AP1G1: variants seen among roughly 807,000 people sequenced by gnomAD.
AP1G1 encodes the protein AP-1 complex subunit gamma-1.
AP1G1 carries 7 observed loss-of-function variants against 108.3 expected under a neutral mutation model. That is an observed-to-expected ratio of 0.06 (90% confidence interval 0.04 to 0.12). The LOEUF (loss-of-function observed/expected upper bound fraction) is 0.12. Among genes scored for constraint, AP1G1 ranks in the 10% least tolerant of loss-of-function variants. AP1G1 has a pLI of 1.00. For synonymous variants in AP1G1, 379 were observed against 353.5 expected (o/e 1.07, Z -0.81); for missense variants, 756 against 1,010.7 (o/e 0.75, Z 3.42).
At chr16:71,773,190 C>T in intron 4 of AP1G1, 31 bp downstream of exon 4, 1 of 1,610,408 alleles carries the variant, frequency 6.2e-7, no homozygotes, top group African/African-American at 1.3e-5. Flanking sequence ...ACTCCCTAAT[C>T]CAAACAGACA....
At chr16:71,758,540 GTA>G (rs778101274) in intron 11 of AP1G1, 16 of 587,230 alleles carry the variant, frequency 2.7e-5, no homozygotes, top group Non-Finnish European at 5.2e-5. Flanking sequence ...TGTGCCTGTT[GTA>G]TTTATCAAAG....
chr16:71,742,494 T>G (rs1257888230), intron 19 of AP1G1: 1 of 152,236 alleles, frequency 6.6e-6, no homozygotes, highest in African/African-American at 2.4e-5. Flanking sequence ...GTGCCTACTA[T>G]GTATCATGCA....
chr16:71,805,493 G>C (rs986321716), intron 1 of AP1G1, among the ~76,000 whole-genome samples: 5 of 151,896 alleles, frequency 3.3e-5, no homozygotes, highest in Admixed American at 3.3e-4. Context: ...CATAAAGCAA[G>C]GACAGACTAA....
At chr16:71,777,589 C>A in intron 2 of AP1G1, 1 of 395,504 alleles carries the variant, frequency 2.5e-6, no homozygotes, top group South Asian at 2.0e-5. Flanking sequence ...CATCCCCAGC[C>A]TGTTGGCAGG....
chr16:71,761,394 A>G, intron 10 of AP1G1, 118 bp downstream of exon 10: 1 of 772,466 alleles, frequency 1.3e-6, no homozygotes, highest in Non-Finnish European at 2.2e-6. Flanking sequence ...AAACATAAAA[A>G]TTCTGAGCTA....
intron 15 of AP1G1, among the ~76,000 whole-genome samples, chr16:71,749,387 G>A (rs919786555): frequency 6.6e-6 from 1 of 151,872 alleles, no homozygotes; most frequent in African/African-American, 2.4e-5. Context: ...GGAGGCTGAG[G>A]TGGGAAGATC....
chr16:71,766,480 G>T, intron 6 of AP1G1: 1 of 460,612 alleles, frequency 2.2e-6, no homozygotes, highest in Non-Finnish European at 4.5e-6. Flanking sequence ...AAAACAAAAG[G>T]TTTGCCACAA....
intron 19 of AP1G1, among the ~76,000 whole-genome samples, chr16:71,739,832 C>T (rs1271568628): frequency 2.0e-5 from 3 of 150,138 alleles, no homozygotes; most frequent in Non-Finnish European, 3.0e-5. Context: ...AGTATCCAAA[C>T]GATAACTGTC....
Position 71,789,346 on chromosome 16 carries a change from T to A in AP1G1, c.134A>T (p.Tyr45Phe). The A allele has an allele frequency of 1.2e-6, 2 of 1,614,214 alleles. No homozygotes were observed. Among genetic ancestry groups the A allele is most frequent in the Non-Finnish European group, 1.7e-6 (2 of 1,180,026 alleles). Reference protein sequence around the residue: ...RSSFREEDNTYRCRNVAKLLY... With the variant: ...RSSFREEDNTFRCRNVAKLLY... ...TAATTTTGCCACATTCCGACATCGGTATGTATTGTCTTCTTCTCTAAAAGA... is the reference window on the plus strand; with the variant it reads ...TAATTTTGCCACATTCCGACATCGGAATGTATTGTCTTCTTCTCTAAAAGA... The change falls in exon 2 of 23, where the codon TAC (tyrosine) becomes TTC (phenylalanine). Residue 45 changes from tyrosine to phenylalanine, a missense_variant. Coordinates refer to ENST00000299980, the MANE Select transcript of AP1G1 (RefSeq NM_001128.6).
intron 15 of AP1G1, 50 bp downstream of exon 15, chr16:71,749,844 T>A: frequency 6.8e-7 from 1 of 1,476,500 alleles, no homozygotes; most frequent in South Asian, 1.1e-5. Flanking sequence ...TACTCTCCTA[T>A]AACCAAAACC....
At chr16:71,761,247 C>T (rs978621995) in intron 10 of AP1G1, among the ~76,000 whole-genome samples, 1 of 152,132 alleles carries the variant, frequency 6.6e-6, no homozygotes, top group Non-Finnish European at 1.5e-5. Flanking sequence ...GACTCCATGG[C>T]CCACAAAGCC....
chr16:71,795,611 T>C (rs2089293469), intron 1 of AP1G1, among the ~76,000 whole-genome samples: 1 of 152,230 alleles, frequency 6.6e-6, no homozygotes, highest in Admixed American at 6.5e-5. Flanking sequence ...CATATGTATA[T>C]CTGAGTTGCT....
intron 13 of AP1G1, among the ~76,000 whole-genome samples, chr16:71,750,812 T>C (rs1287619024): frequency 6.6e-6 from 1 of 152,200 alleles, no homozygotes; most frequent in African/African-American, 2.4e-5. Context: ...CTTCAAAGTC[T>C]TATTTAAATA....
At chr16:71,762,914 C>T (rs118112243) in intron 9 of AP1G1, among the ~76,000 whole-genome samples, 2,455 of 152,110 alleles carry the variant, frequency 0.016, 31 homozygotes, top group Non-Finnish European at 0.027. Flanking sequence ...GTTGGGGCGG[C>T]GGGGGGTCAG....
At chr16:71,779,766 A>G (rs1194599346) in intron 2 of AP1G1, among the ~76,000 whole-genome samples, 2 of 152,124 alleles carry the variant, frequency 1.3e-5, no homozygotes, top group African/African-American at 4.8e-5. Context: ...TCAGTGTTTA[A>G]TCCGGTTACC....
intron 6 of AP1G1, chr16:71,767,746 AC>A (rs1409379998): frequency 1.1e-6 from 1 of 880,748 alleles, no homozygotes; most frequent in Non-Finnish European, 1.7e-6. Context: ...AGATGGTAGA[AC>A]AATAACTCAC....
intron 1 of AP1G1, among the ~76,000 whole-genome samples, chr16:71,801,316 T>C: frequency 7.1e-6 from 1 of 140,406 alleles, no homozygotes. Flanking sequence ...GAATTATATT[T>C]ACTGACCATG....
At position 71,732,998 on chromosome 16, in the gene AP1G1, A is replaced by T. The variant is rs2045488942; in HGVS notation, c.*60T>A. On this transcript the variant is annotated 3_prime_UTR_variant, in exon 23 of 23. Transcript: ENST00000299980. ...TGGGGGGGACTTGCCAGCAATCACA[A>T]CCTCCTTCCCAGAGTTCCTTTGATT... The T allele has an allele frequency of 5.0e-6, 7 of 1,414,006 alleles. No individual in the cohort carries two copies. The highest frequency in any genetic ancestry group is 6.9e-6 in the Non-Finnish European group (7 of 1,009,666). The allele number at this position is 1,414,006 out of a possible 1,614,324, so 87.6% of individuals were successfully genotyped here.
At chr16:71,775,733 T>G (rs1277969765) in intron 2 of AP1G1, among the ~76,000 whole-genome samples, 1 of 152,196 alleles carries the variant, frequency 6.6e-6, no homozygotes, top group East Asian at 1.9e-4. Context: ...CATTCAGAGC[T>G]TGATCCAAGT....
Sources: gnomAD v4.1 joint callset for allele counts (sites outside exome capture counted in the v4.1 genomes callset) on GRCh38, gnomAD v4.1.1 for gene constraint, MANE v1.5 for transcripts, NCBI Gene and HGNC (gene_info 2026-07-23, HGNC 2026-07-21) for gene names.